SOCS7: variants seen among roughly 807,000 people sequenced by gnomAD.
SOCS7 encodes suppressor of cytokine signaling 7.
A neutral mutation model predicts 58.9 loss-of-function variants in SOCS7; 18 were observed. That is an observed-to-expected ratio of 0.31 (90% confidence interval 0.21 to 0.45). The LOEUF is 0.45. Among genes scored for constraint, SOCS7 ranks in the 20% least tolerant of loss-of-function variants. The pLI, the probability that SOCS7 is intolerant of heterozygous loss-of-function variation, is 1.00. For synonymous variants in SOCS7, 388 were observed against 364.3 expected (o/e 1.06, Z -0.74); for missense variants, 667 against 837.3 (o/e 0.80, Z 2.51).
chr17:38,359,574 T>A (rs988315587), intron 1 of SOCS7, among the ~76,000 whole-genome samples: 6 of 152,142 alleles, frequency 3.9e-5, no homozygotes, highest in African/African-American at 1.4e-4. Context: ...CATTTTGGAT[T>A]TTCTTTGCTT....
intron 7 of SOCS7, among the ~76,000 whole-genome samples, chr17:38,379,658 A>G (rs2037977119): frequency 6.6e-6 from 1 of 152,058 alleles, no homozygotes; most frequent in Admixed American, 6.6e-5. Flanking sequence ...GTTTCTTGTA[A>G]TCTTGGGGAT....
chr17:38,392,843 C>T (rs959703987), intron 7 of SOCS7, among the ~76,000 whole-genome samples: 7 of 152,064 alleles, frequency 4.6e-5, no homozygotes, highest in East Asian at 1.9e-4. Context: ...GCAGAGCTAC[C>T]GATAATTCTT....
Position 38,367,959 on chromosome 17 carries a change from G to A in SOCS7, c.1461G>A (p.Leu487=), listed in dbSNP as rs1555568639. The change falls in exon 6 of 10, where the codon CTG becomes CTA. Residue 487 remains leucine, a synonymous_variant. Transcript: ENST00000612932. ...KLKGKPDGSF[L]VRDSSDPRYI... ...AAGGGAAACCAGATGGTTCTTTCCT[G>A]GTACGAGACAGTTCTGATCCTCGTT... The A allele has an allele frequency of 3.1e-6, 5 of 1,614,138 alleles. No individual in the cohort carries two copies. Among genetic ancestry groups the A allele is most frequent in the Non-Finnish European group, 4.2e-6 (5 of 1,179,996 alleles).
chr17:38,354,503 A>G (rs2037606606), intron 1 of SOCS7, among the ~76,000 whole-genome samples: 1 of 152,172 alleles, frequency 6.6e-6, no homozygotes, highest in African/African-American at 2.4e-5. Flanking sequence ...CCATGGGCTT[A>G]TCTTGGGGAT....
At chr17:38,360,686 C>T (rs1408340222) in intron 1 of SOCS7, among the ~76,000 whole-genome samples, 3 of 152,062 alleles carry the variant, frequency 2.0e-5, no homozygotes, top group Non-Finnish European at 2.9e-5. Flanking sequence ...ACTACAGGCA[C>T]CCGCCACCAC....
chr17:38,354,527 A>T (rs773129712), intron 1 of SOCS7, among the ~76,000 whole-genome samples: 1 of 152,222 alleles, frequency 6.6e-6, no homozygotes, highest in Non-Finnish European at 1.5e-5. Context: ...GCCAAATCCA[A>T]ACTTTCTAAA....
chr17:38,352,295 G>A lies in SOCS7; in HGVS notation c.243G>A (p.Ala81=). 6.7e-6 allele frequency: 10 copies of A among 1,487,560 alleles called. No individual in the cohort carries two copies. Among genetic ancestry groups the A allele is most frequent in the Non-Finnish European group, 8.9e-6 (10 of 1,129,160 alleles). 92.1% of individuals were successfully genotyped at this position (1,487,560 alleles called of 1,614,324 possible). Residue 81 remains alanine (A), a synonymous_variant, in exon 1 of 10, where the codon GCG becomes GCA. Coordinates refer to ENST00000612932, the MANE Select transcript of SOCS7 (RefSeq NM_014598.4). This position sits in a 1 kb window ranked among gnomAD's most constrained non-coding sequence, Gnocchi z 5.5. ...GRPPEEEDVE[A]APEPGPSELL... is the part of the protein sequence containing the mutation. Reference sequence around the variant, plus strand: ...CGCCGGAGGAGGAGGACGTGGAGGCGGCCCCGGAGCCGGGACCCTCGGAAC... The same window carrying A: ...CGCCGGAGGAGGAGGACGTGGAGGCAGCCCCGGAGCCGGGACCCTCGGAAC...
Position 38,368,048 on chromosome 17 carries a change from G to A in SOCS7, c.1550G>A (p.Arg517Lys). Residue 517 changes from arginine to lysine, a missense_variant and splice_region_variant, in exon 6 of 10, where the codon AGA (arginine) becomes AAA (lysine). By Grantham distance (26) the Arg-to-Lys change is conservative. This residue lies in a region of SOCS7 where 76 missense variants were observed against 194.5 expected (regional missense o/e 0.39). Coordinates refer to ENST00000612932, the MANE Select transcript of SOCS7 (RefSeq NM_014598.4). ...ITHHTRMEHY[R>K]GTFSLWCHPK... Reference sequence around the variant, plus strand: ...CACCACACTAGAATGGAGCACTACAGAGGTAAGAGATACTGGTAAGAGAGG... The same window carrying A: ...CACCACACTAGAATGGAGCACTACAAAGGTAAGAGATACTGGTAAGAGAGG... 4 of 1,603,314 alleles carry A rather than the reference G, an allele frequency of 2.5e-6. No homozygotes were observed. Among genetic ancestry groups the A allele is most frequent in the Non-Finnish European group, 3.4e-6 (4 of 1,172,770 alleles).
rs776719849 is a variant in SOCS7, at chr17:38,366,398, G to A, written c.1364G>A (p.Ser455Asn). Residue 455 changes from serine to asparagine, a missense_variant, in exon 5 of 10, where the codon AGC (serine) becomes AAC (asparagine). Transcript: ENST00000612932. The part of the protein sequence containing the change: ...YRPDSSSFAA[S>N]LRELEKCGWY... ...CCTGACTCGAGCAGCTTTGCAGCCA[G>A]CCTTCGAGAGTTGGAGAAGGTAGGT... 1.9e-6 allele frequency: 3 copies of A among 1,614,242 alleles called. No individual in the cohort carries two copies. Among genetic ancestry groups the A allele is most frequent in the Non-Finnish European group, 2.5e-6 (3 of 1,180,046 alleles).
At chr17:38,389,899 A>ATATGTG (rs2038143219) in intron 7 of SOCS7, among the ~76,000 whole-genome samples, 9 of 10,186 alleles carry the variant, frequency 8.8e-4, no homozygotes, top group Non-Finnish European at 2.0e-3. Flanking sequence ...ATATATATAT[A>ATATGTG]CACATATAGA....
chr17:38,399,044 T>C (rs1382628481), intron 9 of SOCS7, among the ~76,000 whole-genome samples: 1 of 147,896 alleles, frequency 6.8e-6, no homozygotes, highest in Non-Finnish European at 1.5e-5. Flanking sequence ...GCCAAGATCA[T>C]GCCTTTGCAC....
intron 1 of SOCS7, among the ~76,000 whole-genome samples, chr17:38,360,517 AT>A (rs1413583327): frequency 1.4e-5 from 2 of 146,964 alleles, no homozygotes; most frequent in East Asian, 2.0e-4. Context: ...CTTTTTTTTT[AT>A]TTTTTTATTT....
chr17:38,372,427 G>A lies in SOCS7; in HGVS notation c.1552+4377G>A, dbSNP rs79895569. On this transcript the variant is annotated intron_variant, in intron 6 of 9. Coordinates refer to ENST00000612932, the MANE Select transcript of SOCS7 (RefSeq NM_014598.4). The stretch of plus-strand genomic sequence containing the variant: ...CATAAAATTAACTGTTACATACTGG[G>A]TGTACTACCGTAATATTTCATAGCC... Among the ~76,000 whole-genome samples the A allele has an allele frequency of 4.5e-3, 684 of 152,328 alleles. 6 individuals carry two copies. Among genetic ancestry groups the A allele is most frequent in the African/African-American group, 0.016 (651 of 41,584 alleles).
rs1175771037 is a variant in SOCS7 at position 38,403,962 on chromosome 17, T to C, written c.*4480T>C. 6.6e-6 allele frequency: 1 copy of C among 152,040 alleles called. No homozygotes were observed. The highest frequency in any genetic ancestry group is 1.5e-5 in the Non-Finnish European group (1 of 68,002). The allele number at this position is 152,040 out of a possible 1,614,324, so 9.4% of individuals were successfully genotyped here. ...ATTTGCTCCTGGGGAGTAAAACCTT[T>C]TTTATTAAAAAAAGAAAAAGAAAAA... On this transcript the variant is annotated 3_prime_UTR_variant, in exon 10 of 10. Coordinates refer to ENST00000612932, the MANE Select transcript of SOCS7 (RefSeq NM_014598.4).
chr17:38,400,106 A>G lies in SOCS7; in HGVS notation c.*624A>G, dbSNP rs1429679653. 3 of 152,184 alleles carry G rather than the reference A, an allele frequency of 2.0e-5. No homozygotes were observed. Among genetic ancestry groups the G allele is most frequent in the African/African-American group, 7.2e-5 (3 of 41,454 alleles). The allele number at this position is 152,184 out of a possible 1,614,324, so 9.4% of individuals were successfully genotyped here. ...AAGAATATTGGGCAAAACCTAGCCA[A>G]TTGGCCTTAGCTGGGAGAAGTAGTG... On this transcript the variant is annotated 3_prime_UTR_variant, in exon 10 of 10. Transcript: ENST00000612932.
At chr17:38,395,731 G>A in intron 8 of SOCS7, 117 bp from the exon 9 acceptor site, 1 of 1,057,344 alleles carries the variant, frequency 9.5e-7, no homozygotes, top group South Asian at 1.4e-5. Context: ...CTGAGAAAAT[G>A]GGGATTGTGT....
intron 1 of SOCS7, 96 bp downstream of exon 1, chr17:38,353,128 G>C (rs1425066150): frequency 8.4e-7 from 1 of 1,188,998 alleles, no homozygotes; most frequent in East Asian, 2.6e-5. Context: ...TCTTAAGATA[G>C]GGTCTTCAGG....
intron 8 of SOCS7, 85 bp from the exon 9 acceptor site, chr17:38,395,763 G>A: frequency 7.3e-7 from 1 of 1,363,438 alleles, no homozygotes; most frequent in Non-Finnish European, 1.0e-6. Flanking sequence ...CATGTAGGGA[G>A]TGAAGAAGAG....
At chr17:38,390,076 C>T (rs923251482) in intron 7 of SOCS7, among the ~76,000 whole-genome samples, 2 of 149,812 alleles carry the variant, frequency 1.3e-5, no homozygotes, top group South Asian at 2.1e-4. Context: ...TGTGAGCCAC[C>T]GTACCCAGCC....
Sources: allele counts gnomAD v4.1 joint callset (sites outside exome capture counted in the v4.1 genomes callset), GRCh38; gene constraint gnomAD v4.1.1; regional missense constraint gnomAD v4.1.1; non-coding constraint Gnocchi (gnomAD v3.1); transcripts MANE v1.5; gene names NCBI Gene and HGNC (gene_info 2026-07-23, HGNC 2026-07-21).